Variants in SMIM43 observed in about 807,000 individuals in gnomAD.
SMIM43 encodes the protein small integral membrane protein 43.
upstream of SMIM43, chr4:121,765,315 G>C (rs951818850): frequency 5.6e-6 from 2 of 356,518 alleles, no homozygotes; most frequent in South Asian, 1.5e-4. Flanking sequence ...GACTCTCCCA[G>C]CTGGCACCAA....
At chr4:121,762,884 G>T (rs1311884469) in intron 2 of SMIM43, 86 bp from the exon 3 acceptor site, 2 of 152,210 alleles carry the variant, frequency 1.3e-5, no homozygotes, top group Non-Finnish European at 2.9e-5. Flanking sequence ...AGTGTGAAAT[G>T]ATTGTTTTCA....
rs1378885918 is a variant in SMIM43 at position 121,760,448 on chromosome 4, G to C, written c.*526C>G. On this transcript the variant is annotated 3_prime_UTR_variant, in exon 6 of 6. Transcript: ENST00000643802. The stretch of plus-strand genomic sequence containing the variant: ...CTGTGGGCTTCCTCCTTCTTCTTGT[G>C]GGGTGCTGCGGGGACCATCTTGGAA... 18 of 1,550,532 alleles carry C rather than the reference G, an allele frequency of 1.2e-5. No homozygotes were observed. The highest frequency in any genetic ancestry group is 1.6e-5 in the Non-Finnish European group (18 of 1,146,992).
In SMIM43 at chr4:121,759,416, C is replaced by T. The variant is rs1725933861; in HGVS notation, c.*1558G>A. Reference sequence around the variant, plus strand: ...ACACAAGAAAGAGAATAAAGTATACCGTGCTATCTAACACAATAGCTAGTA... The same window carrying T: ...ACACAAGAAAGAGAATAAAGTATACTGTGCTATCTAACACAATAGCTAGTA... On this transcript the variant is annotated 3_prime_UTR_variant, in exon 6 of 6. Coordinates refer to ENST00000643802, the MANE Select transcript of SMIM43 (RefSeq NM_001384332.1). 6.6e-6 allele frequency: 1 copy of T among 152,132 alleles called. No homozygotes were observed. Among genetic ancestry groups the T allele is most frequent in the African/African-American group, 2.4e-5 (1 of 41,408 alleles). The allele number at this position is 152,132 out of a possible 1,614,324, so 9.4% of individuals were successfully genotyped here.
chr4:121,759,778 C>T lies in SMIM43; in HGVS notation c.*1196G>A, dbSNP rs1725953767. 6.6e-6 allele frequency: 1 copy of T among 152,228 alleles called. No homozygotes were observed. The highest frequency in any genetic ancestry group is 2.1e-4 in the South Asian group (1 of 4,832). The allele number at this position is 152,228 out of a possible 1,614,324, so 9.4% of individuals were successfully genotyped here. On this transcript the variant is annotated 3_prime_UTR_variant, in exon 6 of 6. Coordinates refer to ENST00000643802, the MANE Select transcript of SMIM43 (RefSeq NM_001384332.1). Reference sequence around the variant, plus strand: ...CTTTCTTTGCGTAGATTCCCCTCCTCCATGCATGAAAGCGATGGTCTTTCT... The same window carrying T: ...CTTTCTTTGCGTAGATTCCCCTCCTTCATGCATGAAAGCGATGGTCTTTCT...
rs1726281739 is a variant in SMIM43, at chr4:121,765,067, G to A, written c.39C>T (p.Leu13=). The A allele has an allele frequency of 7.5e-6, 3 of 398,218 alleles. No homozygotes were observed. In the South Asian group the frequency reaches 3.8e-4, roughly 51 times the overall value. The allele number at this position is 398,218 out of a possible 1,614,324, so 24.7% of individuals were successfully genotyped here. ...WELNLLLYLA[L]FFFLLFLLFL... ...AAAGTAAGAAGAGCAGGAAGAAGAA[G>A]AGCGCCAGGTAGAGCAGCAAGTTGA... is the stretch of plus-strand genomic sequence containing the variant. Residue 13 remains leucine (L), a synonymous_variant, in exon 1 of 6, where the codon CTC becomes CTT. Coordinates refer to ENST00000643802, the MANE Select transcript of SMIM43 (RefSeq NM_001384332.1).
intron 5 of SMIM43, among the ~76,000 whole-genome samples, chr4:121,760,932 A>T (rs1016500129): frequency 6.6e-6 from 1 of 152,108 alleles, no homozygotes; most frequent in Non-Finnish European, 1.5e-5. Context: ...ATCCATCAGA[A>T]AGCTTTTTCT....
rs555250886 is a variant in SMIM43, at chr4:121,759,048, A to G, written c.*1926T>C. 3.9e-5 allele frequency: 6 copies of G among 152,342 alleles called. No homozygotes were observed. Among genetic ancestry groups the G allele is most frequent in the African/African-American group, 1.4e-4 (6 of 41,582 alleles). The allele number at this position is 152,342 out of a possible 1,614,324, so 9.4% of individuals were successfully genotyped here. On this transcript the variant is annotated 3_prime_UTR_variant, in exon 6 of 6. Transcript: ENST00000643802. ...AGCTGCCACAATATTACAAAAATAA[A>G]ATGACACAGAATAAATTGCACAAGA...
At position 121,761,538 on chromosome 4, in the gene SMIM43, C is replaced by T. The variant is rs1437581701; in HGVS notation, c.*499G>A. The T allele has an allele frequency of 1.2e-5, 19 of 1,591,408 alleles. No individual in the cohort carries two copies. The highest frequency in any genetic ancestry group is 1.5e-5 in the Non-Finnish European group (18 of 1,170,850). Reference sequence around the variant, plus strand: ...AGAGTATTTCATATTTTTTACTCACCTAGTTCCAAGTTTCCACCCCTGCAA... The same window carrying T: ...AGAGTATTTCATATTTTTTACTCACTTAGTTCCAAGTTTCCACCCCTGCAA... On this transcript the variant is annotated splice_region_variant and 3_prime_UTR_variant, in exon 5 of 6. Transcript: ENST00000643802.
upstream of SMIM43, chr4:121,765,410 G>C: frequency 4.4e-6 from 1 of 227,952 alleles, no homozygotes; most frequent in Non-Finnish European, 8.5e-6. Flanking sequence ...GGGCACGGAC[G>C]CCAGAAGAGG....
Position 121,760,299 on chromosome 4 carries a change from C to A in SMIM43, c.*675G>T. The A allele has an allele frequency of 6.3e-7, 1 of 1,597,320 alleles. No individual in the cohort carries two copies. The highest frequency in any genetic ancestry group is 8.5e-7 in the Non-Finnish European group (1 of 1,174,986). On this transcript the variant is annotated 3_prime_UTR_variant, in exon 6 of 6. Transcript: ENST00000643802. ...AGCTACAAAAACTACATTTCTCAGA[C>A]AATCTTGCAGATAGCAGTAGCCAAT...
At chr4:121,760,547 C>G (rs1726005316) in intron 5 of SMIM43, 73 bp from the exon 6 acceptor site, 1 of 1,444,200 alleles carries the variant, frequency 6.9e-7, no homozygotes, top group Non-Finnish European at 9.1e-7. Context: ...GCTGAACCAG[C>G]ACCAGCAGCT....
Position 121,761,643 on chromosome 4 carries a change from T to C in SMIM43, c.*394A>G, listed in dbSNP as rs1726072426. 2 of 1,613,942 alleles carry C rather than the reference T, an allele frequency of 1.2e-6. No homozygotes were observed. Among genetic ancestry groups the C allele is most frequent in the South Asian group, 2.2e-5 (2 of 90,954 alleles). Reference sequence around the variant, plus strand: ...GCACACTCTGGGTAAATTTTCTCTCTTATTCTGTAGAATCGCACCAGATGG... The same window carrying C: ...GCACACTCTGGGTAAATTTTCTCTCCTATTCTGTAGAATCGCACCAGATGG... On this transcript the variant is annotated 3_prime_UTR_variant, in exon 5 of 6. Coordinates refer to ENST00000643802, the MANE Select transcript of SMIM43 (RefSeq NM_001384332.1).
At position 121,760,384 on chromosome 4, in the gene SMIM43, T is replaced by TA. The variant is rs765004000; in HGVS notation, c.*589dup. The TA allele has an allele frequency of 4.4e-6, 7 of 1,603,788 alleles. No homozygotes were observed. The highest frequency in any genetic ancestry group is 6.0e-6 in the Non-Finnish European group (7 of 1,174,378). ...TTATTGGGCTGCTGAGGAAGCTCTT[T>TA]AAAAGGAAGTGGATTTGAACTGGCA... On this transcript the variant is annotated 3_prime_UTR_variant, in exon 6 of 6. Transcript: ENST00000643802.
In SMIM43 at chr4:121,760,426, T is replaced by C; in HGVS notation, c.*548A>G. ...GAACTGGCATGCCCCGTTTTCTCTG[T>C]GGGCTTCCTCCTTCTTCTTGTGGGG... On this transcript the variant is annotated 3_prime_UTR_variant, in exon 6 of 6. Transcript: ENST00000643802. 2 of 1,560,942 alleles carry C rather than the reference T, an allele frequency of 1.3e-6. No homozygotes were observed. The highest frequency in any genetic ancestry group is 1.7e-6 in the Non-Finnish European group (2 of 1,151,564).
chr4:121,765,120 C>A lies in SMIM43; in HGVS notation c.-15G>T. The A allele has an allele frequency of 2.5e-6, 1 of 396,818 alleles. No individual in the cohort carries two copies. Among genetic ancestry groups the A allele is most frequent in the Non-Finnish European group, 4.5e-6 (1 of 224,698 alleles). 24.6% of individuals were successfully genotyped at this position (396,818 alleles called of 1,614,324 possible). On this transcript the variant is annotated 5_prime_UTR_variant, in exon 1 of 6. Transcript: ENST00000643802. ...TCCCACTCCATGCTGGAGGCGCCGG[C>A]GCTCGCTGGCCCTGCGCGCTCGGCG...
At chr4:121,763,967 T>G (rs2110528928) in intron 1 of SMIM43, 95 bp from the exon 2 acceptor site, 1 of 152,284 alleles carries the variant, frequency 6.6e-6, no homozygotes, top group Admixed American at 6.5e-5. Context: ...TAGGGCATAC[T>G]GGTACTCGAG....
rs531259958 is a variant in SMIM43, at chr4:121,761,426, A to C, written c.*499+112T>G. ...ATGGTTTAACCATTTACAAACTTTA[A>C]AATTTTGGTCATTTAAAATTTAACT... On this transcript the variant is annotated intron_variant, in intron 5 of 5. Coordinates refer to ENST00000643802, the MANE Select transcript of SMIM43 (RefSeq NM_001384332.1). 1.5e-4 allele frequency: 155 copies of C among 1,020,234 alleles called. 4 individuals carry two copies. In the South Asian group the frequency reaches 2.7e-3, roughly 18 times the overall value. The allele number at this position is 1,020,234 out of a possible 1,614,324, so 63.2% of individuals were successfully genotyped here. A position where few individuals can be genotyped will look rare whatever the true frequency, so the allele number is the denominator to read the frequency against.
chr4:121,765,164 C>G lies in SMIM43; in HGVS notation c.-59G>C, dbSNP rs950156219. On this transcript the variant is annotated 5_prime_UTR_variant, in exon 1 of 6. Transcript: ENST00000643802. Reference sequence around the variant, plus strand: ...CTCGGCGCGGGCTGCAGCTGGAGGGCGAGCGCGCCGCCCGCACACCCACCT... The same window carrying G: ...CTCGGCGCGGGCTGCAGCTGGAGGGGGAGCGCGCCGCCCGCACACCCACCT... The G allele has an allele frequency of 2.5e-6, 1 of 392,420 alleles. No homozygotes were observed. Among genetic ancestry groups the G allele is most frequent in the African/African-American group, 2.1e-5 (1 of 48,396 alleles). 24.3% of individuals were successfully genotyped at this position (392,420 alleles called of 1,614,324 possible). A position where few individuals can be genotyped will look rare whatever the true frequency, so the allele number is the denominator to read the frequency against.
rs544568748 is a variant in SMIM43, at chr4:121,763,013, C to CTA, written c.*207-217_*207-216dup. 7.2e-5 allele frequency among the ~76,000 whole-genome samples: 11 copies of CTA among 152,328 alleles called. No homozygotes were observed. In the South Asian group the frequency reaches 2.3e-3, roughly 32 times the overall value. Reference sequence around the variant, plus strand: ...GCAGAGATATCAACCAATTAGAGAACTATTGTTCAAAGCACAATACAGAAT... The same window carrying CTA: ...GCAGAGATATCAACCAATTAGAGAACTATATTGTTCAAAGCACAATACAGAAT... On this transcript the variant is annotated intron_variant, in intron 2 of 5. Transcript: ENST00000643802.
Sources: gnomAD v4.1 joint callset for allele counts (sites outside exome capture counted in the v4.1 genomes callset) on GRCh38, gnomAD v4.1.1 for gene constraint, MANE v1.5 for transcripts, NCBI Gene and HGNC (gene_info 2026-07-23, HGNC 2026-07-21) for gene names.